Variants in SYT1 observed in about 807,000 individuals in gnomAD.
The protein encoded by SYT1 is synaptotagmin 1.
Under a neutral mutation model 44.8 loss-of-function variants are expected in SYT1, and 8 were observed. The observed-to-expected ratio is 0.18, with a 90% CI of 0.10 to 0.32. The LOEUF is 0.32. Ranked by LOEUF, SYT1 falls within the 10% of genes least tolerant of loss-of-function variation. SYT1 has a pLI of 1.00. For missense variants in SYT1, 286 were observed against 509.3 expected, an observed-to-expected ratio of 0.56 and a Z score of 4.22; for synonymous variants, 154 against 188.8, an observed-to-expected ratio of 0.82 and a Z score of 1.51.
intron 2 of SYT1, among the ~76,000 whole-genome samples, chr12:79,009,012 A>G (rs1453954520): frequency 6.6e-6 from 1 of 152,202 alleles, no homozygotes; most frequent in African/African-American, 2.4e-5. Flanking sequence ...TATGGTTCCA[A>G]GATTACTTGG....
intron 1 of SYT1, among the ~76,000 whole-genome samples, chr12:78,968,620 T>C (rs1225348223): frequency 6.6e-6 from 1 of 152,130 alleles, no homozygotes; most frequent in Admixed American, 6.5e-5. Flanking sequence ...TCTAAAAGGA[T>C]CTCCACTGTA....
chr12:79,249,159 C>CA (rs1877036036), intron 4 of SYT1, among the ~76,000 whole-genome samples: 1 of 128,178 alleles, frequency 7.8e-6, no homozygotes, highest in African/African-American at 3.0e-5. Context: ...CTGCGGACTG[C>CA]AGTGGCGCAA....
rs147458373 is a variant in SYT1 at position 78,883,460 on chromosome 12, T to C, written c.-217+18351T>C. Among the ~76,000 whole-genome samples, 458 of 151,828 alleles carry C rather than the reference T, an allele frequency of 3.0e-3. 1 individual carries two copies. The highest frequency in any genetic ancestry group is 0.01 in the African/African-American group (433 of 41,550). Reference sequence around the variant, plus strand: ...AGCCTTCATGAACTGATATTAGATGTAGTCAAGTCTTCTCTTCCAAGGTGA... The same window carrying C: ...AGCCTTCATGAACTGATATTAGATGCAGTCAAGTCTTCTCTTCCAAGGTGA... On this transcript the variant is annotated intron_variant, in intron 1 of 10. Coordinates refer to ENST00000261205, the MANE Select transcript of SYT1 (RefSeq NM_005639.3).
intron 9 of SYT1, among the ~76,000 whole-genome samples, chr12:79,437,031 A>G (rs763682074): frequency 9.2e-5 from 14 of 152,116 alleles, no homozygotes; most frequent in Non-Finnish European, 1.3e-4. Flanking sequence ...TAGATGAGGA[A>G]AGAGAGAAAG....
chr12:79,308,904 T>C (rs1312470698), intron 8 of SYT1, among the ~76,000 whole-genome samples: 2 of 152,232 alleles, frequency 1.3e-5, no homozygotes, highest in Non-Finnish European at 2.9e-5. Flanking sequence ...GACATAACTA[T>C]TCCTTCAAGT....
At chr12:78,889,105 C>A (rs569984030) in intron 1 of SYT1, among the ~76,000 whole-genome samples, 6 of 151,680 alleles carry the variant, frequency 4.0e-5, no homozygotes, top group East Asian at 3.9e-4. Context: ...TATTTGAGAA[C>A]CTTATAGTTA....
intron 3 of SYT1, among the ~76,000 whole-genome samples, chr12:79,192,736 A>G (rs1002813739): frequency 2.0e-5 from 3 of 152,200 alleles, no homozygotes; most frequent in African/African-American, 7.2e-5. Flanking sequence ...ATTCATAGAA[A>G]GACACAGTGT....
chr12:78,933,880 C>A (rs554166872), intron 1 of SYT1, among the ~76,000 whole-genome samples: 59 of 150,580 alleles, frequency 3.9e-4, no homozygotes, highest in African/African-American at 1.4e-3. Flanking sequence ...TTTAAGGGAA[C>A]ATGCCTGCTT....
At chr12:79,015,490 G>A (rs996742840) in intron 2 of SYT1, among the ~76,000 whole-genome samples, 2 of 152,010 alleles carry the variant, frequency 1.3e-5, no homozygotes, top group Non-Finnish European at 2.9e-5. Flanking sequence ...TATTGTTGAT[G>A]TCTGTATCAC....
chr12:79,386,489 T>G (rs911184038), intron 9 of SYT1, among the ~76,000 whole-genome samples: 1 of 152,142 alleles, frequency 6.6e-6, no homozygotes, highest in Admixed American at 6.6e-5. Flanking sequence ...CTCTTAATGC[T>G]ATCCCTCTCC....
intron 2 of SYT1, among the ~76,000 whole-genome samples, chr12:78,991,956 C>T (rs1870049903): frequency 6.6e-6 from 1 of 152,078 alleles, no homozygotes; most frequent in South Asian, 2.1e-4. Flanking sequence ...CTTTATTCTG[C>T]AGCCTCAGAA....
intron 3 of SYT1, among the ~76,000 whole-genome samples, chr12:79,087,016 A>T (rs1877426790): frequency 6.6e-6 from 1 of 152,186 alleles, no homozygotes; most frequent in African/African-American, 2.4e-5. Context: ...AGTATAAAAA[A>T]CCAGAGTTAC....
chr12:79,301,164 T>A (rs1366083630), intron 8 of SYT1, among the ~76,000 whole-genome samples: 2 of 152,102 alleles, frequency 1.3e-5, no homozygotes, highest in Non-Finnish European at 2.9e-5. Flanking sequence ...TTTTATTAAT[T>A]GACTGGTGTT....
At chr12:79,286,046 A>G (rs1879299191) in intron 5 of SYT1, 75 bp downstream of exon 5, 1 of 1,481,656 alleles carries the variant, frequency 6.7e-7, no homozygotes, top group African/African-American at 1.4e-5. Flanking sequence ...ATGCCATATA[A>G]TTACAGAAAT....
intron 3 of SYT1, among the ~76,000 whole-genome samples, chr12:79,166,855 C>A (rs1871250982): frequency 6.6e-6 from 1 of 152,054 alleles, no homozygotes; most frequent in Non-Finnish European, 1.5e-5. Flanking sequence ...GTTTTGCTAG[C>A]CATGTTATTT....
At chr12:78,902,379 A>T (rs1235527638) in intron 1 of SYT1, among the ~76,000 whole-genome samples, 1 of 152,080 alleles carries the variant, frequency 6.6e-6, no homozygotes, top group East Asian at 1.9e-4. Context: ...TAGTAAAAAC[A>T]TGAAGTGTAT....
chr12:79,449,758 A>G lies in SYT1; in HGVS notation c.*634A>G. 1 of 152,344 alleles carries G rather than the reference A, an allele frequency of 6.6e-6. No individual in the cohort carries two copies. The highest frequency in any genetic ancestry group is 6.5e-5 in the Admixed American group (1 of 15,292). 9.4% of individuals were successfully genotyped at this position (152,344 alleles called of 1,614,324 possible). On this transcript the variant is annotated 3_prime_UTR_variant, in exon 11 of 11. Transcript: ENST00000261205. ...GGCAAAATAGCATGATCTGAGCAGCAGCATCCAGGCTGACCTCAAGGAAGC... is the reference window on the plus strand; with the variant it reads ...GGCAAAATAGCATGATCTGAGCAGCGGCATCCAGGCTGACCTCAAGGAAGC...
intron 1 of SYT1, among the ~76,000 whole-genome samples, chr12:78,959,799 A>G (rs944101423): frequency 6.6e-6 from 1 of 152,182 alleles, no homozygotes; most frequent in Admixed American, 6.6e-5. Flanking sequence ...GAAAAGTGAG[A>G]TAACAGGGGA....
At chr12:79,236,430 G>A (rs1265199162) in intron 4 of SYT1, among the ~76,000 whole-genome samples, 1 of 151,942 alleles carries the variant, frequency 6.6e-6, no homozygotes, top group Non-Finnish European at 1.5e-5. Flanking sequence ...ACCTTAGTCT[G>A]TGGTGTTCTC....
Sources: gnomAD v4.1 joint callset for allele counts (sites outside exome capture counted in the v4.1 genomes callset) on GRCh38, gnomAD v4.1.1 for gene constraint, MANE v1.5 for transcripts, NCBI Gene and HGNC (gene_info 2026-07-23, HGNC 2026-07-21) for gene names.